CEP164: variants seen among roughly 807,000 people sequenced by gnomAD.
CEP164 encodes the protein centrosomal protein 164, also known as centrosomal protein of 164 kDa.
CEP164 carries 162 observed loss-of-function variants against 182.7 expected under a neutral mutation model. The ratio of observed to expected loss-of-function variants is 0.89; its 90% CI spans 0.78 to 1.01. The LOEUF (loss-of-function observed/expected upper bound fraction) is 1.01. Among genes scored for constraint, CEP164 ranks in the 50% least tolerant of loss-of-function variants. The pLI is 0.00. For missense variants in CEP164, 1,735 were observed against 1,790.4 expected, an observed-to-expected ratio of 0.97 and a Z score of 0.56; for synonymous variants, 661 against 690.0, an observed-to-expected ratio of 0.96 and a Z score of 0.66.
intron 9 of CEP164, among the ~76,000 whole-genome samples, chr11:117,373,368 A>G (rs1450753453): frequency 6.6e-6 from 1 of 152,036 alleles, no homozygotes; most frequent in Non-Finnish European, 1.5e-5. Context: ...TCTCGGAAAA[A>G]AAAAAAAAGA....
chr11:117,340,090 A>G (rs1045260733), intron 3 of CEP164, among the ~76,000 whole-genome samples: 2 of 151,776 alleles, frequency 1.3e-5, no homozygotes, highest in African/African-American at 4.8e-5. Flanking sequence ...CAGTGGCGGG[A>G]TCTCTGCTCA....
chr11:117,387,035 C>T (rs1439738987), intron 14 of CEP164, 168 bp from the exon 15 acceptor site: 2 of 641,470 alleles, frequency 3.1e-6, no homozygotes, highest in Admixed American at 5.5e-5. Flanking sequence ...TCCTATGGAA[C>T]AAGCATTGAC....
intron 3 of CEP164, among the ~76,000 whole-genome samples, chr11:117,343,197 A>G (rs759066260): frequency 2.0e-5 from 3 of 152,206 alleles, no homozygotes; most frequent in Non-Finnish European, 2.9e-5. Flanking sequence ...GGTCCATAAT[A>G]TATTGTAAAA....
rs200122409 is a variant in CEP164, at chr11:117,371,449, A to G, written c.1135A>G (p.Ser379Gly). The change falls in exon 9 of 33, where the codon AGT becomes GGT. Residue 379 changes from serine (S) to glycine (G), a missense_variant. Physicochemically the swap from Ser to Gly is moderately conservative, Grantham distance 56. Coordinates refer to ENST00000278935, the MANE Select transcript of CEP164 (RefSeq NM_014956.5). ...KKKASALEEG[S>G]SDASQELEIS... is the part of the protein sequence containing the mutation. ...GAAGGCTTCTGCTCTGGAAGAGGGC[A>G]GTTCAGACGCCAGCCAAGTAAGTCA... The G allele has an allele frequency of 2.8e-4, 444 of 1,609,412 alleles. 3 individuals carry two copies. The highest frequency in any genetic ancestry group is 3.9e-5 in the Non-Finnish European group (46 of 1,178,272).
chr11:117,393,158 C>T (rs117713193), intron 20 of CEP164, 32 bp downstream of exon 20: 65,995 of 1,602,830 alleles, frequency 0.041, 1,595 homozygotes, highest in Middle Eastern at 0.057. Flanking sequence ...CGCGCATGCA[C>T]ACACATGCAC....
At chr11:117,392,199 A>G (rs999112469) in intron 17 of CEP164, 27 bp from the exon 18 acceptor site, 1 of 1,542,628 alleles carries the variant, frequency 6.5e-7, no homozygotes, top group Non-Finnish European at 8.8e-7. Context: ...GGCCAGCTTC[A>G]CTCACAGTCC....
At chr11:117,338,445 C>T in intron 2 of CEP164, 121 bp from the exon 3 acceptor site, 2 of 705,212 alleles carry the variant, frequency 2.8e-6, no homozygotes, top group Non-Finnish European at 5.0e-6. Flanking sequence ...TGGGAAGGCC[C>T]TGGCCAAATT....
intron 10 of CEP164, among the ~76,000 whole-genome samples, chr11:117,375,424 A>G (rs2042639498): frequency 1.3e-5 from 2 of 152,170 alleles, no homozygotes; most frequent in Admixed American, 6.5e-5. Flanking sequence ...TTCTTATGAA[A>G]AGTTTCAAAT....
intron 4 of CEP164, among the ~76,000 whole-genome samples, chr11:117,344,885 G>A (rs766747814): frequency 6.6e-6 from 1 of 151,706 alleles, no homozygotes; most frequent in Non-Finnish European, 1.5e-5. Context: ...CCGAGATTGC[G>A]GCACAGCACT....
chr11:117,345,800 G>A (rs1209118863), intron 4 of CEP164, among the ~76,000 whole-genome samples: 2 of 151,860 alleles, frequency 1.3e-5, no homozygotes, highest in East Asian at 3.9e-4. Flanking sequence ...CGATTCTCCT[G>A]CCTCAGCCTC....
At chr11:117,375,119 C>A (rs2042601065) in intron 10 of CEP164, among the ~76,000 whole-genome samples, 2 of 152,220 alleles carry the variant, frequency 1.3e-5, no homozygotes, top group Non-Finnish European at 2.9e-5. Context: ...AAAGAGCCCA[C>A]CAAGGCTCAT....
intron 5 of CEP164, among the ~76,000 whole-genome samples, chr11:117,358,110 A>G (rs1335584711): frequency 2.6e-5 from 4 of 152,206 alleles, no homozygotes; most frequent in African/African-American, 9.6e-5. Flanking sequence ...GTTAGCTTTA[A>G]TAACTACTGT....
At chr11:117,336,347 G>A (rs1033774511) in intron 2 of CEP164, 33 of 1,452,822 alleles carry the variant, frequency 2.3e-5, no homozygotes, top group Non-Finnish European at 3.2e-5. Context: ...ACCATGCCAG[G>A]AGCCAAGAGA....
intron 27 of CEP164, among the ~76,000 whole-genome samples, chr11:117,402,927 C>T (rs1044226370): frequency 6.6e-6 from 1 of 152,154 alleles, no homozygotes; most frequent in Non-Finnish European, 1.5e-5. Flanking sequence ...ATGTAATGCC[C>T]TTCTTTGTCT....
chr11:117,382,855 C>T lies in CEP164; in HGVS notation c.1637C>T (p.Ala546Val), dbSNP rs199663982. Residue 546 changes from alanine to valine, a missense_variant, in exon 14 of 33, where the codon GCC becomes GTC. Physicochemically the swap from Ala to Val is moderately conservative, Grantham distance 64. Coordinates refer to ENST00000278935, the MANE Select transcript of CEP164 (RefSeq NM_014956.5). ...AAGGGCAAGGAGCAGCATTCCCAGG[C>T]CGAGGAGCTGGGCCCTGGGCAGGAA... ...CEKGKEQHSQ[A>V]EELGPGQEEA... 2 of 1,614,140 alleles carry T rather than the reference C, an allele frequency of 1.2e-6. No individual in the cohort carries two copies. The highest frequency in any genetic ancestry group is 4.5e-5 in the East Asian group (2 of 44,880).
chr11:117,356,700 C>T, intron 5 of CEP164: 3 of 1,178,726 alleles, frequency 2.5e-6, no homozygotes, highest in Non-Finnish European at 3.2e-6. Context: ...CCACAGCCAT[C>T]AGGCCTGCAT....
intron 5 of CEP164, among the ~76,000 whole-genome samples, chr11:117,354,669 C>T (rs879320596): frequency 1.7e-4 from 26 of 151,994 alleles, no homozygotes; most frequent in African/African-American, 4.3e-4. Context: ...ATTTTCAGCC[C>T]AAGGGAGTTT....
intron 3 of CEP164, among the ~76,000 whole-genome samples, chr11:117,342,757 T>C (rs2038309021): frequency 6.6e-6 from 1 of 152,198 alleles, no homozygotes. Flanking sequence ...ATTACAGGCA[T>C]GAACCACCAT....
intron 13 of CEP164, among the ~76,000 whole-genome samples, chr11:117,382,190 G>T (rs1198296179): frequency 6.6e-6 from 1 of 152,104 alleles, no homozygotes; most frequent in African/African-American, 2.4e-5. Context: ...CCTGCAAGGG[G>T]CTGGAGCAGA....
Sources: allele counts gnomAD v4.1 joint callset (sites outside exome capture counted in the v4.1 genomes callset), GRCh38; gene constraint gnomAD v4.1.1; transcripts MANE v1.5; gene names NCBI Gene and HGNC (gene_info 2026-07-23, HGNC 2026-07-21).